C1QTNF5: variants seen among roughly 807,000 people sequenced by gnomAD.
The protein encoded by C1QTNF5 is complement C1q tumor necrosis factor-related protein 5.
Under a neutral mutation model 10.9 loss-of-function variants are expected in C1QTNF5, and 5 were observed. The ratio of observed to expected loss-of-function variants is 0.46; its 90% CI spans 0.24 to 0.97. C1QTNF5 has a LOEUF of 0.97. Ranked by LOEUF, C1QTNF5 falls within the 50% of genes least tolerant of loss-of-function variation. The pLI is 0.19. For missense variants in C1QTNF5, 281 were observed against 339.4 expected (o/e 0.83, Z 1.35); for synonymous variants, 161 against 156.5 (o/e 1.03, Z -0.22).
Position 119,339,720 on chromosome 11 carries a change from C to G in C1QTNF5, c.343G>C (p.Val115Leu), listed in dbSNP as rs772324838. The G allele has an allele frequency of 1.2e-6, 2 of 1,601,938 alleles. No individual in the cohort carries two copies. Among genetic ancestry groups the G allele is most frequent in the Non-Finnish European group, 1.7e-6 (2 of 1,178,558 alleles). Residue 115 changes from valine to leucine, a missense_variant, in exon 3 of 3, where the codon GTG (valine) becomes CTG (leucine). By Grantham distance (32) the Val-to-Leu change is conservative. Transcript: ENST00000528368. The surrounding 1 kb of genome is among the most constrained non-coding windows in gnomAD (Gnocchi z 5.4). ...AAGGGTGCGTCAGACGGCGGAGGCA[C>G]CCGGCTCTCGGAGCGCTTGGCGCTG... ...AFSAKRSESR[V>L]PPPSDAPLPF...
upstream of C1QTNF5, chr11:119,344,667 C>T: frequency 6.2e-7 from 1 of 1,614,088 alleles, no homozygotes; most frequent in South Asian, 1.1e-5. Context: ...CTCATCACTG[C>T]CGTCAGCACA....
chr11:119,343,939 G>A, upstream of C1QTNF5: 2 of 1,613,478 alleles, frequency 1.2e-6, no homozygotes, highest in Non-Finnish European at 8.5e-7. Context: ...GTGTCCGGCA[G>A]GCACCGAGAT....
chr11:119,343,796 C>T (rs1565293900), upstream of C1QTNF5: 1 of 1,613,756 alleles, frequency 6.2e-7, no homozygotes, highest in Admixed American at 1.7e-5. Context: ...TTATCCATGG[C>T]TCTTCCCTGG....
chr11:119,339,902 G>C lies in C1QTNF5; in HGVS notation c.215-54C>G, dbSNP rs1332708106. On this transcript the variant is annotated intron_variant, in intron 2 of 2. Transcript: ENST00000528368. The surrounding 1 kb of genome is among the most constrained non-coding windows in gnomAD (Gnocchi z 5.4). Reference sequence around the variant, plus strand: ...GAGTAGCGGCGGCTCAGCCCGCAGCGGGGCGGCGACTCTAAGGTCACCGTA... The same window carrying C: ...GAGTAGCGGCGGCTCAGCCCGCAGCCGGGCGGCGACTCTAAGGTCACCGTA... 7.0e-7 allele frequency: 1 copy of C among 1,430,574 alleles called. No individual in the cohort carries two copies. The highest frequency in any genetic ancestry group is 9.1e-7 in the Non-Finnish European group (1 of 1,099,704). The allele number at this position is 1,430,574 out of a possible 1,614,324, so 88.6% of individuals were successfully genotyped here. A position where few individuals can be genotyped will look rare whatever the true frequency, so the allele number is the denominator to read the frequency against.
At position 119,340,263 on chromosome 11, in the gene C1QTNF5, G is replaced by A. The variant is rs745773787; in HGVS notation, c.135C>T (p.Gly45=). 3.3e-6 allele frequency: 5 copies of A among 1,525,714 alleles called. No homozygotes were observed. The South Asian group carries it at 6.1e-5, about 19-fold the overall frequency. 94.5% of individuals were successfully genotyped at this position (1,525,714 alleles called of 1,614,324 possible). ...CGTCGCGGCCATCGCGGCCCGGCAAGCCCTGGCTGCCATGGTGGCCCGGCG... is the reference window on the plus strand; with the variant it reads ...CGTCGCGGCCATCGCGGCCCGGCAAACCCTGGCTGCCATGGTGGCCCGGCG... ...PGTPGHHGSQ[G]LPGRDGRDGR... is the part of the protein sequence containing the mutation. The change falls in exon 2 of 3, where the codon GGC becomes GGT. Residue 45 remains glycine, a synonymous_variant. Transcript: ENST00000528368.
At chr11:119,345,331 G>T, upstream of C1QTNF5, 1 of 1,359,784 alleles carries the variant, frequency 7.4e-7, no homozygotes, top group Non-Finnish European at 1.0e-6. Flanking sequence ...TTCTTCCTCG[G>T]TTAGCCCTTC....
chr11:119,343,596 G>A (rs1477770284), upstream of C1QTNF5, among the ~76,000 whole-genome samples: 3 of 152,190 alleles, frequency 2.0e-5, no homozygotes, highest in African/African-American at 7.2e-5. Flanking sequence ...AGGAACTGGG[G>A]CAGGGAGAGG....
chr11:119,346,265 T>C, the C1QTNF5 span: 195 of 1,609,636 alleles, frequency 1.2e-4, 1 homozygote, highest in African/African-American at 2.3e-3. Context: ...CCCCCTGGGA[T>C]GGTTACCATG....
upstream of C1QTNF5, chr11:119,344,981 G>T (rs1950545280): frequency 1.2e-6 from 2 of 1,607,184 alleles, no homozygotes; most frequent in Non-Finnish European, 1.7e-6. Flanking sequence ...GTTGAGCGTG[G>T]GGGGAGGCAC....
At chr11:119,346,020 G>A in the C1QTNF5 span, 220 of 1,612,426 alleles carry the variant, frequency 1.4e-4, no homozygotes, top group African/African-American at 9.6e-4. Context: ...CAAAGCCCTC[G>A]TTTCAAGCTG....
rs1355911656 is a variant in C1QTNF5, at chr11:119,339,886, C to A, written c.215-38G>T. 1 of 1,435,390 alleles carries A rather than the reference C, an allele frequency of 7.0e-7. No individual in the cohort carries two copies. The highest frequency in any genetic ancestry group is 2.6e-5 in the East Asian group (1 of 38,644). The allele number at this position is 1,435,390 out of a possible 1,614,324, so 88.9% of individuals were successfully genotyped here. A position where few individuals can be genotyped will look rare whatever the true frequency, so the allele number is the denominator to read the frequency against. ...CGGGGCGGCAGGGTGAGAGTAGCGG[C>A]GGCTCAGCCCGCAGCGGGGCGGCGA... On this transcript the variant is annotated intron_variant, in intron 2 of 2. Transcript: ENST00000528368. This position sits in a 1 kb window ranked among gnomAD's most constrained non-coding sequence, Gnocchi z 5.4.
At chr11:119,343,935 G>C, upstream of C1QTNF5, 1 of 1,613,390 alleles carries the variant, frequency 6.2e-7, no homozygotes, top group Non-Finnish European at 8.5e-7. Context: ...TGCTGTGTCC[G>C]GCAGGCACCG....
At chr11:119,342,639 A>T (rs775425747), upstream of C1QTNF5, 1 of 1,613,600 alleles carries the variant, frequency 6.2e-7, no homozygotes, top group African/African-American at 1.3e-5. Context: ...CATCGCTGCC[A>T]TCGGTGCAGT....
At chr11:119,346,158 A>G in the C1QTNF5 span, 150 of 1,588,408 alleles carry the variant, frequency 9.4e-5, no homozygotes, top group Middle Eastern at 3.3e-4. Flanking sequence ...GAGGACGCCG[A>G]CCTGCGGGTT....
At chr11:119,343,805 G>C (rs199473709), upstream of C1QTNF5, 2,108 of 1,613,826 alleles carry the variant, frequency 1.3e-3, 46 homozygotes, top group South Asian at 0.022. Flanking sequence ...GCTCTTCCCT[G>C]GCTCCTGTAC....
At chr11:119,340,558 C>T (rs1950492613) in intron 1 of C1QTNF5, 118 bp from the exon 2 acceptor site, 3 of 740,142 alleles carry the variant, frequency 4.1e-6, no homozygotes, top group Non-Finnish European at 2.1e-6. Context: ...GCTGAGCGCT[C>T]GCAGGGCCGA....
At chr11:119,346,489 G>C in the C1QTNF5 span, 1 of 1,614,124 alleles carries the variant, frequency 6.2e-7, no homozygotes, top group South Asian at 1.1e-5. Context: ...TCCATGCAGA[G>C]GATGACATCT....
rs1049044767 is a variant in C1QTNF5 at position 119,340,032 on chromosome 11, C to G, written c.214+152G>C. The G allele has an allele frequency of 3.2e-6, 4 of 1,246,198 alleles. No individual in the cohort carries two copies. The East Asian group carries it at 1.2e-4, about 36-fold the overall frequency. The allele number at this position is 1,246,198 out of a possible 1,614,324, so 77.2% of individuals were successfully genotyped here. A position where few individuals can be genotyped will look rare whatever the true frequency, so the allele number is the denominator to read the frequency against. On this transcript the variant is annotated intron_variant, in intron 2 of 2. Transcript: ENST00000528368. ...ATCTGGGGGGCTGGCCAAGGGGGCT[C>G]CCGCCGCCTGGGCCCCTCCCCCGCT...
upstream of C1QTNF5, chr11:119,344,830 G>C: frequency 6.2e-7 from 1 of 1,613,526 alleles, no homozygotes; most frequent in Non-Finnish European, 8.5e-7. Flanking sequence ...GTGGGTGGAG[G>C]GGAAGAAAGT....
Sources: gnomAD v4.1 joint callset for allele counts (sites outside exome capture counted in the v4.1 genomes callset) on GRCh38, gnomAD v4.1.1 for gene constraint, Gnocchi (gnomAD v3.1) non-coding constraint, MANE v1.5 for transcripts, NCBI Gene and HGNC (gene_info 2026-07-23, HGNC 2026-07-21) for gene names.